The following TFPI variants were observed in gnomAD, a reference collection of about 807,000 sequenced individuals.
The protein encoded by TFPI is tissue factor pathway inhibitor.
A neutral mutation model predicts 34.6 loss-of-function variants in TFPI; 15 were observed. The ratio of observed to expected loss-of-function variants is 0.43; its 90% confidence interval spans 0.29 to 0.67. The LOEUF (loss-of-function observed/expected upper bound fraction) is 0.67. Among genes scored for constraint, TFPI ranks in the 30% least tolerant of loss-of-function variants. The pLI, the probability that TFPI is intolerant of heterozygous loss-of-function variation, is 0.15. For synonymous variants in TFPI, 105 were observed against 120.1 expected (o/e 0.87, Z 0.82); for missense variants, 301 against 364.0 (o/e 0.83, Z 1.41).
intron 1 of TFPI, among the ~76,000 whole-genome samples, chr2:187,536,967 A>G (rs967783680): frequency 2.6e-5 from 4 of 152,206 alleles, no homozygotes; most frequent in South Asian, 4.1e-4. Context: ...CCAAATCATG[A>G]GTGAACTCCC....
intron 3 of TFPI, 36 bp downstream of exon 3, chr2:187,496,842 CTAA>C (rs753478191): frequency 2.4e-5 from 38 of 1,574,782 alleles, no homozygotes; most frequent in East Asian, 1.1e-4. Context: ...CTCAATAGCC[CTAA>C]AGGGTCTTGA....
At chr2:187,517,886 A>T (rs564174006) in intron 1 of TFPI, 1 of 152,276 alleles carries the variant, frequency 6.6e-6, no homozygotes. Flanking sequence ...TCCCTTTACC[A>T]TTATATAACG....
intron 1 of TFPI, chr2:187,514,439 A>G (rs1296525986): frequency 6.6e-6 from 1 of 152,128 alleles, no homozygotes; most frequent in Non-Finnish European, 1.5e-5. Context: ...CCGGAAGTCG[A>G]GCACCCTGTG....
At chr2:187,491,416 C>T (rs1301261869) in intron 3 of TFPI, among the ~76,000 whole-genome samples, 2 of 151,866 alleles carry the variant, frequency 1.3e-5, no homozygotes, top group Non-Finnish European at 2.9e-5. Flanking sequence ...CACTATTTAC[C>T]CCCCACTTAT....
chr2:187,506,136 A>G (rs1048831778), intron 1 of TFPI, among the ~76,000 whole-genome samples: 49 of 152,074 alleles, frequency 3.2e-4, no homozygotes, highest in African/African-American at 1.2e-3. Flanking sequence ...ACCAACTTCT[A>G]TATACCATGC....
At chr2:187,495,640 C>G (rs941230074) in intron 3 of TFPI, among the ~76,000 whole-genome samples, 3 of 152,156 alleles carry the variant, frequency 2.0e-5, no homozygotes, top group African/African-American at 7.2e-5. Flanking sequence ...GAAGTTCACT[C>G]TTTTCACCAC....
chr2:187,548,308 C>T (rs1688969893), intron 1 of TFPI, among the ~76,000 whole-genome samples: 1 of 152,032 alleles, frequency 6.6e-6, no homozygotes, highest in African/African-American at 2.4e-5. Context: ...GAAGTTTTAT[C>T]TGTCTTTAAA....
At chr2:187,549,226 G>A (rs1204266464) in intron 1 of TFPI, among the ~76,000 whole-genome samples, 1 of 151,922 alleles carries the variant, frequency 6.6e-6, no homozygotes, top group Non-Finnish European at 1.5e-5. Flanking sequence ...TGCCTCAAGT[G>A]GTGTAAAAAA....
At chr2:187,534,862 G>A (rs1419381996) in intron 1 of TFPI, among the ~76,000 whole-genome samples, 2 of 149,108 alleles carry the variant, frequency 1.3e-5, no homozygotes, top group Non-Finnish European at 3.0e-5. Flanking sequence ...AAAGTAAAGG[G>A]ATAGAGGAAT....
chr2:187,535,817 A>G (rs1688218549), intron 1 of TFPI, among the ~76,000 whole-genome samples: 1 of 152,214 alleles, frequency 6.6e-6, no homozygotes, highest in African/African-American at 2.4e-5. Context: ...AAAGATTAAC[A>G]AAATAGACAG....
At chr2:187,494,970 AC>A (rs1201484290) in intron 3 of TFPI, among the ~76,000 whole-genome samples, 1 of 152,078 alleles carries the variant, frequency 6.6e-6, no homozygotes, top group Non-Finnish European at 1.5e-5. Flanking sequence ...TGATCCACCC[AC>A]CTCAGCCTCC....
chr2:187,503,623 AAG>A (rs1686000628), intron 2 of TFPI, 23 bp downstream of exon 2: 1 of 1,606,008 alleles, frequency 6.2e-7, no homozygotes. Context: ...CTAGCTTAAA[AAG>A]ATAATTGCTT....
At chr2:187,492,031 C>T (rs890963518) in intron 3 of TFPI, among the ~76,000 whole-genome samples, 12 of 151,952 alleles carry the variant, frequency 7.9e-5, no homozygotes, top group South Asian at 2.1e-4. Context: ...GTCCTTTGTC[C>T]ATTTTTTAAA....
At chr2:187,497,965 A>T (rs1217555522) in intron 2 of TFPI, among the ~76,000 whole-genome samples, 2 of 151,878 alleles carry the variant, frequency 1.3e-5, no homozygotes, top group African/African-American at 4.8e-5. Context: ...TTTTCTGCAT[A>T]TTGAGTCTAT....
chr2:187,510,139 A>T (rs1032590585), intron 1 of TFPI, among the ~76,000 whole-genome samples: 12 of 152,344 alleles, frequency 7.9e-5, no homozygotes, highest in African/African-American at 2.9e-4. Flanking sequence ...TTCATCTTCA[A>T]AAAGTTTTAG....
intron 1 of TFPI, 199 bp downstream of exon 1, chr2:187,554,001 T>C (rs1689184419): frequency 6.6e-6 from 1 of 152,204 alleles, no homozygotes; most frequent in East Asian, 1.9e-4. Context: ...AAGAACTAAA[T>C]GCAAAATGCT....
chr2:187,470,924 G>C lies in TFPI; in HGVS notation c.629-2992C>G, dbSNP rs144656708. 1.8e-3 allele frequency among the ~76,000 whole-genome samples: 277 copies of C among 152,278 alleles called. 2 individuals carry two copies. Among genetic ancestry groups the C allele is most frequent in the Non-Finnish European group, 3.1e-3 (213 of 68,022 alleles). On this transcript the variant is annotated intron_variant, in intron 6 of 7. Transcript: ENST00000233156. ...GTCCATGACTGATGCAATGTCAGTT[G>C]TTTATCTATCTTACTTTGCCCTGAT... is the stretch of plus-strand genomic sequence containing the variant.
intron 1 of TFPI, chr2:187,520,500 G>C (rs1411698665): frequency 6.6e-6 from 1 of 152,168 alleles, no homozygotes; most frequent in Non-Finnish European, 1.5e-5. Context: ...GTCCCGATGA[G>C]ATGAGCCAGA....
At chr2:187,513,316 G>A (rs928370145) in intron 1 of TFPI, among the ~76,000 whole-genome samples, 1 of 152,064 alleles carries the variant, frequency 6.6e-6, no homozygotes, top group Non-Finnish European at 1.5e-5. Flanking sequence ...GTTAAAAAGA[G>A]TCTATAAAAA....
Sources: gnomAD v4.1 joint callset for allele counts (sites outside exome capture counted in the v4.1 genomes callset) on GRCh38, gnomAD v4.1.1 for gene constraint, MANE v1.5 for transcripts, NCBI Gene and HGNC (gene_info 2026-07-23, HGNC 2026-07-21) for gene names.